GALNT13: variants seen among roughly 807,000 people sequenced by gnomAD.
The protein encoded by GALNT13 is UDP-GalNAc:polypeptide N-acetylgalactosaminyltransferase 13.
GALNT13 carries 28 observed loss-of-function variants against 64.2 expected under a neutral mutation model. That is an observed-to-expected ratio of 0.44 (90% CI 0.32 to 0.60). The LOEUF (loss-of-function observed/expected upper bound fraction) is 0.60. Among genes scored for constraint, GALNT13 ranks in the 20% least tolerant of loss-of-function variants. The probability of loss-of-function intolerance (pLI) is 0.05; values close to 1 mark genes in which losing one functional copy is unlikely to be tolerated. For missense variants in GALNT13, 577 were observed against 669.8 expected (o/e 0.86, Z 1.53); for synonymous variants, 214 against 224.6 (o/e 0.95, Z 0.42).
intron 8 of GALNT13, among the ~76,000 whole-genome samples, chr2:154,300,322 C>G (rs1693367329): frequency 6.6e-6 from 1 of 151,758 alleles, no homozygotes; most frequent in South Asian, 2.1e-4. Flanking sequence ...AGGCTGGTCT[C>G]AAACTCCTGA....
chr2:153,988,830 A>G (rs1694981009), intron 3 of GALNT13, among the ~76,000 whole-genome samples: 2 of 151,980 alleles, frequency 1.3e-5, no homozygotes. Flanking sequence ...AGGTGACTAA[A>G]GTATGATTTT....
chr2:153,894,763 A>C (rs1200793469), intron 1 of GALNT13, among the ~76,000 whole-genome samples: 1 of 152,176 alleles, frequency 6.6e-6, no homozygotes, highest in East Asian at 1.9e-4. Context: ...CTCAGAGTTA[A>C]TGTAATTTTC....
intron 3 of GALNT13, among the ~76,000 whole-genome samples, chr2:154,064,979 C>T (rs1025203021): frequency 6.6e-6 from 1 of 152,030 alleles, no homozygotes; most frequent in Non-Finnish European, 1.5e-5. Context: ...TCTGGATGTG[C>T]CTTGAGCCAC....
the GALNT13 span, among the ~76,000 whole-genome samples, chr2:153,727,763 T>A: frequency 6.6e-6 from 1 of 152,130 alleles, no homozygotes; most frequent in African/African-American, 2.4e-5. Flanking sequence ...AGTTCTGGGA[T>A]AAATGTGCTG....
chr2:153,322,441 CT>C, the GALNT13 span, among the ~76,000 whole-genome samples: 30 of 152,002 alleles, frequency 2.0e-4, no homozygotes, highest in South Asian at 5.0e-3. Flanking sequence ...GATTACATGT[CT>C]TTCGTTATTG....
At chr2:153,264,281 G>A in the GALNT13 span, among the ~76,000 whole-genome samples, 1 of 152,160 alleles carries the variant, frequency 6.6e-6, no homozygotes, top group East Asian at 1.9e-4. Flanking sequence ...AAAAAGTCAA[G>A]AAGCAATAGA....
the GALNT13 span, among the ~76,000 whole-genome samples, chr2:153,519,775 CA>C: frequency 2.6e-5 from 4 of 152,078 alleles, no homozygotes; most frequent in Non-Finnish European, 5.9e-5. Flanking sequence ...AGAGGAGTCA[CA>C]AAAATGGAGT....
chr2:153,786,618 C>G, the GALNT13 span, among the ~76,000 whole-genome samples: 1 of 151,990 alleles, frequency 6.6e-6, no homozygotes, highest in Non-Finnish European at 1.5e-5. Context: ...TCCTGGTGAG[C>G]CTTTGACCCC....
the GALNT13 span, among the ~76,000 whole-genome samples, chr2:153,747,682 C>T: frequency 6.6e-6 from 1 of 151,974 alleles, no homozygotes; most frequent in African/African-American, 2.4e-5. Flanking sequence ...CTGCCTTGGC[C>T]TCCCAAAGTG....
chr2:153,182,163 C>A, the GALNT13 span, among the ~76,000 whole-genome samples: 1 of 152,030 alleles, frequency 6.6e-6, no homozygotes, highest in Non-Finnish European at 1.5e-5. Flanking sequence ...CCTGCCTCAG[C>A]CTCCCAAGTA....
chr2:154,230,625 T>A lies in GALNT13; in HGVS notation c.312-11405T>A, dbSNP rs549352102. On this transcript the variant is annotated intron_variant, in intron 4 of 12. Coordinates refer to ENST00000392825, the MANE Select transcript of GALNT13 (RefSeq NM_052917.4). Reference sequence around the variant, plus strand: ...ATTGACATTGTAGAAATAACTCCAATGGTAATATATGATTGTTATTTATTT... The same window carrying A: ...ATTGACATTGTAGAAATAACTCCAAAGGTAATATATGATTGTTATTTATTT... Among the ~76,000 whole-genome samples the A allele has an allele frequency of 5.9e-4, 90 of 152,216 alleles. 1 individual carries two copies. The South Asian group carries it at 0.018, about 31-fold the overall frequency.
chr2:153,097,502 T>C, the GALNT13 span, among the ~76,000 whole-genome samples: 1 of 152,194 alleles, frequency 6.6e-6, no homozygotes, highest in Admixed American at 6.5e-5. Flanking sequence ...TTTGTTCAAA[T>C]GCTTAGATGT....
the GALNT13 span, among the ~76,000 whole-genome samples, chr2:153,233,374 T>G: frequency 1.3e-5 from 2 of 152,100 alleles, no homozygotes; most frequent in African/African-American, 4.8e-5. Context: ...TTCACATATA[T>G]GTAGGACTTC....
At chr2:154,315,865 G>A (rs764534970) in intron 9 of GALNT13, among the ~76,000 whole-genome samples, 8 of 152,044 alleles carry the variant, frequency 5.3e-5, no homozygotes, top group African/African-American at 9.7e-5. Context: ...GTATCAAACC[G>A]GATCACAAGG....
the GALNT13 span, among the ~76,000 whole-genome samples, chr2:153,580,755 G>T: frequency 6.6e-6 from 1 of 152,268 alleles, no homozygotes; most frequent in African/African-American, 2.4e-5. Context: ...ACAACTATTG[G>T]CAGAGAAATT....
At chr2:153,215,482 G>A in the GALNT13 span, among the ~76,000 whole-genome samples, 1 of 152,072 alleles carries the variant, frequency 6.6e-6, no homozygotes, top group Non-Finnish European at 1.5e-5. Flanking sequence ...GATTTAAAAT[G>A]AGATCTATTT....
chr2:153,690,852 A>T, the GALNT13 span, among the ~76,000 whole-genome samples: 1 of 152,144 alleles, frequency 6.6e-6, no homozygotes, highest in African/African-American at 2.4e-5. Context: ...GCAGGATGCT[A>T]AAGACCTAAC....
chr2:153,792,314 T>A, the GALNT13 span, among the ~76,000 whole-genome samples: 39 of 152,158 alleles, frequency 2.6e-4, no homozygotes, highest in Non-Finnish European at 3.5e-4. Flanking sequence ...CTTGTCATTC[T>A]CCAAACAATA....
At chr2:153,267,679 G>C in the GALNT13 span, among the ~76,000 whole-genome samples, 1 of 152,162 alleles carries the variant, frequency 6.6e-6, no homozygotes, top group African/African-American at 2.4e-5. Flanking sequence ...GATGGGAGAG[G>C]ATACTGTGAA....
Sources: gnomAD v4.1 joint callset for allele counts (sites outside exome capture counted in the v4.1 genomes callset) on GRCh38, gnomAD v4.1.1 for gene constraint, MANE v1.5 for transcripts, NCBI Gene and HGNC (gene_info 2026-07-23, HGNC 2026-07-21) for gene names.